OARD1: variants seen among roughly 807,000 people sequenced by gnomAD.
OARD1 encodes ADP-ribose glycohydrolase OARD1.
OARD1 carries 19 observed loss-of-function variants against 19.7 expected under a neutral mutation model. The observed-to-expected ratio is 0.96, with a 90% confidence interval of 0.67 to 1.41. OARD1 has a LOEUF of 1.41. Among genes scored for constraint, OARD1 ranks in the 40% most tolerant of loss-of-function variants. The pLI, the probability that OARD1 is intolerant of heterozygous loss-of-function variation, is 0.00. For synonymous variants in OARD1, 70 were observed against 61.8 expected, an observed-to-expected ratio of 1.13 and a Z score of -0.62; for missense variants, 190 against 183.8, an observed-to-expected ratio of 1.03 and a Z score of -0.20.
intron 1 of OARD1, among the ~76,000 whole-genome samples, chr6:41,089,061 C>T (rs1452641917): frequency 6.6e-6 from 1 of 152,204 alleles, no homozygotes; most frequent in Non-Finnish European, 1.5e-5. Flanking sequence ...TCTCGGCTCA[C>T]TGCAACCTCC....
intron 4 of OARD1, 48 bp downstream of exon 4, chr6:41,070,028 T>C (rs781413240): frequency 3.8e-6 from 4 of 1,045,066 alleles, no homozygotes; most frequent in Non-Finnish European, 6.1e-6. Flanking sequence ...ATCCTTAAAA[T>C]GTATTAAGAA....
chr6:41,089,289 T>G lies in OARD1; in HGVS notation c.-42+8424A>C, dbSNP rs557863545. ...GTGAGCCACCACACCCAGCCCAGAGTGTATTTTAAATATGCATGCTTTTCA... is the reference window on the plus strand; with the variant it reads ...GTGAGCCACCACACCCAGCCCAGAGGGTATTTTAAATATGCATGCTTTTCA... On this transcript the variant is annotated intron_variant, in intron 1 of 4. Coordinates refer to the OARD1 transcript ENST00000480585. 7.2e-5 allele frequency among the ~76,000 whole-genome samples: 11 copies of G among 152,232 alleles called. No homozygotes were observed. The East Asian group carries it at 2.1e-3, about 29-fold the overall frequency.
intron 1 of OARD1, among the ~76,000 whole-genome samples, chr6:41,085,869 G>A (rs995915113): frequency 6.6e-6 from 1 of 151,832 alleles, no homozygotes; most frequent in African/African-American, 2.4e-5. Flanking sequence ...AAACATTTGG[G>A]CACGATAGTT....
intron 1 of OARD1, chr6:41,084,341 A>C (rs78645614): frequency 1.1e-6 from 1 of 900,316 alleles, no homozygotes; most frequent in Non-Finnish European, 1.6e-6. Flanking sequence ...TTATAGTACC[A>C]GTGATATAAA....
intron 1 of OARD1, among the ~76,000 whole-genome samples, chr6:41,081,484 C>T (rs977994119): frequency 2.7e-5 from 4 of 148,450 alleles, no homozygotes; most frequent in Admixed American, 2.7e-4. Flanking sequence ...AGCGAGACTC[C>T]GTCTCAAAAA....
At chr6:41,083,087 A>C (rs1763953067) in intron 1 of OARD1, among the ~76,000 whole-genome samples, 1 of 152,258 alleles carries the variant, frequency 6.6e-6, no homozygotes, top group Middle Eastern at 3.2e-3. Flanking sequence ...AATTTCTGTC[A>C]AAGATAGAGT....
chr6:41,080,891 C>G, intron 1 of OARD1: 3 of 1,613,472 alleles, frequency 1.9e-6, no homozygotes, highest in Non-Finnish European at 2.5e-6. Flanking sequence ...TCCAGACCCT[C>G]CAGGTAGTGG....
rs1227879195 is a variant in OARD1 at position 41,066,848 on chromosome 6, T to C, written c.*487A>G. The C allele has an allele frequency of 2.0e-5, 3 of 152,280 alleles. No individual in the cohort carries two copies. The highest frequency in any genetic ancestry group is 4.4e-5 in the Non-Finnish European group (3 of 68,104). The allele number at this position is 152,280 out of a possible 1,614,324, so 9.4% of individuals were successfully genotyped here. On this transcript the variant is annotated 3_prime_UTR_variant, in exon 6 of 6. Coordinates refer to ENST00000424266, the MANE Select transcript of OARD1 (RefSeq NM_001329686.2). ...ATCACCACAAATTTCTTGGTAACAA[T>C]GTAGAATTTAATTTTGTAATTAAAA... is the stretch of plus-strand genomic sequence containing the variant.
intron 3 of OARD1, 70 bp from the exon 4 acceptor site, chr6:41,070,204 T>C (rs544151797): frequency 9.2e-6 from 8 of 871,834 alleles, no homozygotes; most frequent in African/African-American, 8.5e-5. Context: ...GATTTTAAAA[T>C]GTTTACAGAT....
chr6:41,071,696 G>A (rs1763408928), intron 1 of OARD1, 21 bp from the exon 2 acceptor site: 3 of 1,411,438 alleles, frequency 2.1e-6, no homozygotes, highest in African/African-American at 2.8e-5. Flanking sequence ...GGAAAAGGAA[G>A]TAAAAATGCT....
intron 1 of OARD1, chr6:41,080,943 T>C: frequency 1.4e-6 from 2 of 1,442,588 alleles, no homozygotes; most frequent in Non-Finnish European, 2.0e-6. Context: ...GAACTTCTCC[T>C]CTCCTCATGT....
chr6:41,077,317 A>G (rs1365440635), upstream of OARD1, among the ~76,000 whole-genome samples: 1 of 152,166 alleles, frequency 6.6e-6, no homozygotes, highest in Non-Finnish European at 1.5e-5. Flanking sequence ...TGCAACTGCT[A>G]CCACAATGAA....
intron 2 of OARD1, 53 bp downstream of exon 2, chr6:41,071,543 A>T: frequency 7.1e-7 from 1 of 1,409,600 alleles, no homozygotes; most frequent in Non-Finnish European, 1.0e-6. Context: ...TATGCTTTTG[A>T]CCTCCATTAT....
intron 1 of OARD1, chr6:41,092,806 T>A: frequency 1.7e-6 from 2 of 1,165,848 alleles, no homozygotes; most frequent in African/African-American, 1.5e-5. Context: ...CTATAAAAAT[T>A]ACTTTTTGTG....
intron 1 of OARD1, among the ~76,000 whole-genome samples, chr6:41,095,310 G>C (rs1764317478): frequency 6.6e-6 from 1 of 152,108 alleles, no homozygotes; most frequent in South Asian, 2.1e-4. Context: ...ACTGTTCATT[G>C]GTCTACTTCC....
chr6:41,089,365 G>A (rs1369882137), intron 1 of OARD1, among the ~76,000 whole-genome samples: 1 of 152,142 alleles, frequency 6.6e-6, no homozygotes, highest in Non-Finnish European at 1.5e-5. Context: ...ACATTGATTT[G>A]TTAATATCAG....
chr6:41,091,732 T>G (rs966424367), intron 1 of OARD1: 2 of 1,600,322 alleles, frequency 1.2e-6, no homozygotes, highest in Admixed American at 3.4e-5. Context: ...CTTTGAAATT[T>G]TCTTGAACAT....
intron 1 of OARD1, 108 bp from the exon 2 acceptor site, chr6:41,071,783 T>C (rs1763418193): frequency 1.5e-6 from 1 of 655,334 alleles, no homozygotes; most frequent in East Asian, 2.7e-5. Context: ...CGTTTATCGA[T>C]GAATGTGAGT....
chr6:41,091,698 A>G (rs143083850), intron 1 of OARD1: 3 of 1,607,082 alleles, frequency 1.9e-6, no homozygotes, highest in Non-Finnish European at 2.5e-6. Flanking sequence ...GGTCATGGTA[A>G]GAAAATGTAT....
Sources: allele counts gnomAD v4.1 joint callset (sites outside exome capture counted in the v4.1 genomes callset), GRCh38; gene constraint gnomAD v4.1.1; transcripts MANE v1.5; gene names NCBI Gene and HGNC (gene_info 2026-07-23, HGNC 2026-07-21).